Variants in CNTN1 observed in about 807,000 individuals in gnomAD.
The protein encoded by CNTN1 is contactin-1.
A neutral mutation model predicts 126.4 loss-of-function variants in CNTN1; 38 were observed. The ratio of observed to expected loss-of-function variants is 0.30; its 90% CI spans 0.23 to 0.39. The LOEUF (loss-of-function observed/expected upper bound fraction) is 0.39, where lower values mean the gene tolerates loss of function less well. Ranked by LOEUF, CNTN1 falls within the 10% of genes least tolerant of loss-of-function variation. The pLI, the probability that CNTN1 is intolerant of heterozygous loss-of-function variation, is 1.00. For synonymous variants in CNTN1, 413 were observed against 422.6 expected, an observed-to-expected ratio of 0.98 and a Z score of 0.28; for missense variants, 1,009 against 1,248.4, an observed-to-expected ratio of 0.81 and a Z score of 2.89.
At chr12:40,830,643 T>TGG (rs1941778097) in intron 1 of CNTN1, among the ~76,000 whole-genome samples, 2 of 150,092 alleles carry the variant, frequency 1.3e-5, no homozygotes, top group Admixed American at 1.3e-4. Flanking sequence ...TGAGAAATAA[T>TGG]TGACAATAAT....
intron 6 of CNTN1, among the ~76,000 whole-genome samples, chr12:40,926,533 C>T (rs368680257): frequency 1.4e-4 from 22 of 151,900 alleles, no homozygotes; most frequent in African/African-American, 4.8e-4. Flanking sequence ...ACTTTGAATG[C>T]GATTTACATT....
At chr12:40,728,333 G>T (rs1942410162) in intron 1 of CNTN1, among the ~76,000 whole-genome samples, 1 of 152,098 alleles carries the variant, frequency 6.6e-6, no homozygotes, top group African/African-American at 2.4e-5. Context: ...TAAGCGTGTG[G>T]TTTCATTCTC....
intron 1 of CNTN1, among the ~76,000 whole-genome samples, chr12:40,785,363 C>T (rs1939970824): frequency 6.6e-6 from 1 of 151,970 alleles, no homozygotes; most frequent in South Asian, 2.1e-4. Context: ...GGAGCAGGCA[C>T]GTCACGTGGC....
At chr12:40,944,555 G>A (rs575778838) in intron 14 of CNTN1, among the ~76,000 whole-genome samples, 1 of 152,084 alleles carries the variant, frequency 6.6e-6, no homozygotes, top group African/African-American at 2.4e-5. Flanking sequence ...AAGCATTTAT[G>A]TTATGCTTTA....
chr12:41,013,665 C>T (rs1477215118), intron 17 of CNTN1, among the ~76,000 whole-genome samples: 1 of 152,070 alleles, frequency 6.6e-6, no homozygotes, highest in African/African-American at 2.4e-5. Flanking sequence ...AAGGGTCTTT[C>T]TAGCAGGGAA....
intron 1 of CNTN1, among the ~76,000 whole-genome samples, chr12:40,796,033 C>T (rs1400458053): frequency 1.3e-5 from 2 of 152,008 alleles, no homozygotes; most frequent in East Asian, 1.9e-4. Flanking sequence ...ATGTATTCTG[C>T]CACCAAAATG....
intron 1 of CNTN1, among the ~76,000 whole-genome samples, chr12:40,777,023 T>A (rs942925735): frequency 6.6e-6 from 1 of 151,646 alleles, no homozygotes; most frequent in African/African-American, 2.4e-5. Context: ...CACACCTCTA[T>A]AAAAATGGCA....
intron 1 of CNTN1, among the ~76,000 whole-genome samples, chr12:40,903,013 T>G (rs1944663844): frequency 6.6e-6 from 1 of 152,220 alleles, no homozygotes; most frequent in South Asian, 2.1e-4. Flanking sequence ...CTTGCCTTAC[T>G]ATATTGAGAA....
Position 40,838,099 on chromosome 12 carries a change from G to A in CNTN1, c.-76-70258G>A, listed in dbSNP as rs139011068. 5.6e-4 allele frequency among the ~76,000 whole-genome samples: 85 copies of A among 152,284 alleles called. 1 individual carries two copies. The highest frequency in any genetic ancestry group is 1.9e-3 in the African/African-American group (78 of 41,560). ...CCCCACTCGGGGTACTGAGCAAAAG[G>A]CCACCCAGCCCGGCATTGCATCTGC... is the stretch of plus-strand genomic sequence containing the variant. On this transcript the variant is annotated intron_variant, in intron 1 of 23. Coordinates refer to ENST00000551295, the MANE Select transcript of CNTN1 (RefSeq NM_001843.4).
At chr12:40,882,844 A>AT (rs935474534) in intron 1 of CNTN1, among the ~76,000 whole-genome samples, 2 of 151,094 alleles carry the variant, frequency 1.3e-5, no homozygotes, top group African/African-American at 2.4e-5. Flanking sequence ...TTTTAAAATT[A>AT]TTTTTTTTCT....
intron 1 of CNTN1, among the ~76,000 whole-genome samples, chr12:40,748,996 G>A (rs1416909677): frequency 2.0e-5 from 3 of 151,974 alleles, no homozygotes; most frequent in African/African-American, 7.2e-5. Context: ...TCTTTTACCT[G>A]GTTTTATACC....
At chr12:41,005,751 G>A (rs183493559) in intron 17 of CNTN1, among the ~76,000 whole-genome samples, 1 of 152,196 alleles carries the variant, frequency 6.6e-6, no homozygotes, top group Admixed American at 6.5e-5. Flanking sequence ...TTCTTGTAGT[G>A]TGTCTTTTAG....
chr12:40,937,502 C>T, intron 10 of CNTN1, 68 bp from the exon 11 acceptor site: 1 of 1,060,846 alleles, frequency 9.4e-7, no homozygotes. Context: ...GACAACCAAA[C>T]CCAGACCTAA....
chr12:40,935,098 T>TTTAGA (rs1452354514), intron 9 of CNTN1, among the ~76,000 whole-genome samples: 2 of 152,042 alleles, frequency 1.3e-5, no homozygotes, highest in Non-Finnish European at 2.9e-5. Context: ...TGATCATGGC[T>TTTAGA]TTAGACACAC....
chr12:40,933,749 G>A lies in CNTN1; in HGVS notation c.856G>A (p.Ala286Thr). ...RKVLEPMPST[A>T]EISTSGAVLK... Reference sequence around the variant, plus strand: ...GGTTCTAGAACCAATGCCAAGCACTGCTGAGATTAGCACCTCTGGGGCTGT... The same window carrying A: ...GGTTCTAGAACCAATGCCAAGCACTACTGAGATTAGCACCTCTGGGGCTGT... Residue 286 changes from alanine to threonine, a missense_variant, in exon 9 of 24, where the codon GCT becomes ACT. Transcript: ENST00000551295. The A allele has an allele frequency of 6.2e-7, 1 of 1,612,896 alleles. No homozygotes were observed. The highest frequency in any genetic ancestry group is 8.5e-7 in the Non-Finnish European group (1 of 1,179,172).
At chr12:40,778,935 T>C (rs772728317) in intron 1 of CNTN1, among the ~76,000 whole-genome samples, 3 of 151,766 alleles carry the variant, frequency 2.0e-5, no homozygotes, top group African/African-American at 4.8e-5. Context: ...CATGAGTGCC[T>C]ACTTCATTCA....
At chr12:40,811,340 T>C (rs998942629) in intron 1 of CNTN1, among the ~76,000 whole-genome samples, 1 of 152,242 alleles carries the variant, frequency 6.6e-6, no homozygotes, top group Non-Finnish European at 1.5e-5. Context: ...TTTGCATCTA[T>C]GTTTATCAGA....
chr12:40,848,447 T>C (rs1942596972), intron 1 of CNTN1, among the ~76,000 whole-genome samples: 1 of 152,178 alleles, frequency 6.6e-6, no homozygotes, highest in South Asian at 2.1e-4. Flanking sequence ...CACAATTTTT[T>C]TGGAAGTATT....
chr12:40,801,834 C>T (rs1297892227), intron 1 of CNTN1, among the ~76,000 whole-genome samples: 4 of 151,426 alleles, frequency 2.6e-5, no homozygotes, highest in Non-Finnish European at 5.9e-5. Flanking sequence ...TATTCTGATA[C>T]AATATTTGGT....
Sources: allele counts gnomAD v4.1 joint callset (sites outside exome capture counted in the v4.1 genomes callset), GRCh38; gene constraint gnomAD v4.1.1; transcripts MANE v1.5; gene names NCBI Gene and HGNC (gene_info 2026-07-23, HGNC 2026-07-21).